EXOC2: variants seen among roughly 807,000 people sequenced by gnomAD.
The protein encoded by EXOC2 is exocyst complex component 2.
In EXOC2, 70 loss-of-function variants were observed where a neutral mutation model predicts 131.8. That is an observed-to-expected ratio of 0.53 (90% CI 0.44 to 0.65). EXOC2 has a LOEUF of 0.65. Ranked by LOEUF, EXOC2 falls within the 30% of genes least tolerant of loss-of-function variation. EXOC2 has a pLI of 0.00. For synonymous variants in EXOC2, 411 were observed against 398.4 expected (o/e 1.03, Z -0.38); for missense variants, 923 against 1,108.6 (o/e 0.83, Z 2.38).
At chr6:610,265 A>T in intron 6 of EXOC2, 87 bp from the exon 7 acceptor site, 2 of 1,158,050 alleles carry the variant, frequency 1.7e-6, no homozygotes, top group South Asian at 2.7e-5. Flanking sequence ...ACAGCTTTTT[A>T]AAATGGTCAT....
chr6:507,117 TAC>T (rs1764585278), intron 23 of EXOC2, among the ~76,000 whole-genome samples: 3 of 90,748 alleles, frequency 3.3e-5, no homozygotes, highest in African/African-American at 4.6e-5. Context: ...CAGCAGTGAC[TAC>T]ACACATACAC....
At chr6:487,685 A>G (rs146527536) in intron 27 of EXOC2, among the ~76,000 whole-genome samples, 2,757 of 152,270 alleles carry the variant, frequency 0.018, 89 homozygotes, top group African/African-American at 0.061. Flanking sequence ...GATTACAGGC[A>G]TGAGCCACTG....
chr6:681,421 C>A (rs1764397940), intron 1 of EXOC2, among the ~76,000 whole-genome samples: 1 of 152,152 alleles, frequency 6.6e-6, no homozygotes, highest in South Asian at 2.1e-4. Context: ...ACCAGAAATT[C>A]TAATTTGTAG....
chr6:618,114 A>G (rs1405673911), intron 5 of EXOC2, among the ~76,000 whole-genome samples: 5 of 152,220 alleles, frequency 3.3e-5, no homozygotes, highest in Non-Finnish European at 7.3e-5. Flanking sequence ...AAATGTGTAG[A>G]TGTTTTTATA....
chr6:610,035 G>T, intron 7 of EXOC2, 63 bp downstream of exon 7: 3 of 1,466,954 alleles, frequency 2.0e-6, no homozygotes, highest in Non-Finnish European at 2.8e-6. Flanking sequence ...TCAGGTCCAA[G>T]AACTAATTTT....
At chr6:559,916 T>C (rs1418337945) in intron 17 of EXOC2, among the ~76,000 whole-genome samples, 5 of 152,146 alleles carry the variant, frequency 3.3e-5, no homozygotes, top group African/African-American at 7.2e-5. Flanking sequence ...ACTGAACATA[T>C]AATTTTTTTC....
At chr6:505,864 C>T (rs1016762376) in intron 23 of EXOC2, among the ~76,000 whole-genome samples, 2 of 152,224 alleles carry the variant, frequency 1.3e-5, no homozygotes, top group Admixed American at 6.5e-5. Context: ...AAGGCAAAGA[C>T]CATGTCTGTC....
intron 10 of EXOC2, among the ~76,000 whole-genome samples, chr6:593,207 T>G (rs1392938595): frequency 1.3e-5 from 2 of 151,706 alleles, no homozygotes; most frequent in Admixed American, 6.6e-5. Flanking sequence ...TTCACAGGAG[T>G]TTTTCTACTT....
chr6:561,011 T>C (rs1251419733), intron 17 of EXOC2, among the ~76,000 whole-genome samples: 1 of 152,022 alleles, frequency 6.6e-6, no homozygotes, highest in African/African-American at 2.4e-5. Context: ...CCCGGCCCAA[T>C]TAAAATATTT....
chr6:693,054 G>GA lies in EXOC2; in HGVS notation c.-80dup, dbSNP rs1337458820. On this transcript the variant is annotated 5_prime_UTR_variant, in exon 1 of 28. Transcript: ENST00000230449. ...CCTGCCGCAGCTCACGGCCGGCACA[G>GA]ACAGGGCCCGGTAGGTCTCGCCGAA... The GA allele has an allele frequency of 3.3e-5, 5 of 152,532 alleles. No homozygotes were observed. Among genetic ancestry groups the GA allele is most frequent in the Admixed American group, 3.3e-4 (5 of 15,292 alleles). The allele number at this position is 152,532 out of a possible 1,614,324, so 9.4% of individuals were successfully genotyped here. A position where few individuals can be genotyped will look rare whatever the true frequency, so the allele number is the denominator to read the frequency against.
chr6:505,781 C>T (rs1764515959), intron 23 of EXOC2, among the ~76,000 whole-genome samples: 1 of 152,224 alleles, frequency 6.6e-6, no homozygotes. Context: ...ATCATAGCCT[C>T]AGCTCCCATC....
intron 4 of EXOC2, among the ~76,000 whole-genome samples, chr6:620,890 A>G (rs931393807): frequency 1.3e-5 from 2 of 152,180 alleles, no homozygotes; most frequent in African/African-American, 2.4e-5. Flanking sequence ...GTACTGCCAT[A>G]GGTGGTCTGT....
intron 3 of EXOC2, among the ~76,000 whole-genome samples, 175 bp downstream of exon 3, chr6:632,765 TC>T (rs1761917348): frequency 6.6e-6 from 1 of 152,186 alleles, no homozygotes; most frequent in Admixed American, 6.5e-5. Context: ...CACACTGCCT[TC>T]CCGAAAGTAA....
intron 23 of EXOC2, among the ~76,000 whole-genome samples, chr6:522,781 T>C (rs1031576608): frequency 3.3e-5 from 5 of 152,130 alleles, no homozygotes; most frequent in Admixed American, 3.3e-4. Context: ...GAAGGTCAAG[T>C]GAAGGCAGCA....
intron 1 of EXOC2, chr6:656,382 C>A: frequency 6.2e-7 from 1 of 1,614,204 alleles, no homozygotes; most frequent in South Asian, 1.1e-5. Context: ...CAGGGTCATC[C>A]TGCCACTGAG....
Position 594,597 on chromosome 6 carries a change from A to G in EXOC2, c.1074-2010T>C, listed in dbSNP as rs879390313. 3.9e-5 allele frequency among the ~76,000 whole-genome samples: 6 copies of G among 152,248 alleles called. No individual in the cohort carries two copies. In the South Asian group the frequency reaches 6.2e-4, roughly 16 times the overall value. The stretch of plus-strand genomic sequence containing the variant: ...TCCAGGAGTACAGCAAGAGGAATCA[A>G]TAAGCTTTGCTTAGTGGCTTTTTAC... On this transcript the variant is annotated intron_variant, in intron 10 of 27. Coordinates refer to ENST00000230449, the MANE Select transcript of EXOC2 (RefSeq NM_018303.6).
At chr6:540,282 C>T (rs1330573576) in intron 22 of EXOC2, among the ~76,000 whole-genome samples, 1 of 152,150 alleles carries the variant, frequency 6.6e-6, no homozygotes, top group Non-Finnish European at 1.5e-5. Context: ...AAGTTAGTCA[C>T]CTCACATCCT....
chr6:633,595 T>C (rs149035223), intron 2 of EXOC2, among the ~76,000 whole-genome samples: 65 of 152,370 alleles, frequency 4.3e-4, no homozygotes, highest in Middle Eastern at 3.4e-3. Flanking sequence ...CACTTATACA[T>C]GGCATTACAG....
chr6:508,364 G>C (rs1416656795), intron 23 of EXOC2, among the ~76,000 whole-genome samples: 1 of 152,162 alleles, frequency 6.6e-6, no homozygotes, highest in Non-Finnish European at 1.5e-5. Flanking sequence ...ACATGTTACA[G>C]GTTTGGACAA....
Sources: gnomAD v4.1 joint callset for allele counts (sites outside exome capture counted in the v4.1 genomes callset) on GRCh38, gnomAD v4.1.1 for gene constraint, MANE v1.5 for transcripts, NCBI Gene and HGNC (gene_info 2026-07-23, HGNC 2026-07-21) for gene names.